Variants in C10orf143 observed in about 807,000 individuals in gnomAD.
C10orf143 encodes uncharacterized protein C10orf143.
intron 3 of C10orf143, among the ~76,000 whole-genome samples, chr10:130,055,006 C>A (rs1020195368): frequency 2.6e-5 from 4 of 151,746 alleles, no homozygotes; most frequent in African/African-American, 9.7e-5. Flanking sequence ...TATGCAAATA[C>A]AAAAGAATGA....
At chr10:130,075,371 A>G (rs896526909) in intron 3 of C10orf143, among the ~76,000 whole-genome samples, 1 of 152,122 alleles carries the variant, frequency 6.6e-6, no homozygotes, top group African/African-American at 2.4e-5. Flanking sequence ...CCCTGCCAGC[A>G]CTCTGGAGTG....
chr10:130,104,885 T>C (rs1198999351), intron 1 of C10orf143: 1 of 152,202 alleles, frequency 6.6e-6, no homozygotes, highest in African/African-American at 2.4e-5. Context: ...CATTTTATGA[T>C]AGCCAATTTA....
At chr10:130,044,861 G>A (rs1466125184) in intron 3 of C10orf143, among the ~76,000 whole-genome samples, 1 of 152,118 alleles carries the variant, frequency 6.6e-6, no homozygotes, top group Non-Finnish European at 1.5e-5. Context: ...CAAACAGAGA[G>A]GCCATTACTA....
In C10orf143 at chr10:130,073,459, A is replaced by G. The variant is rs867141601; in HGVS notation, c.297+6107T>C. ...CACACCTTTGTTAGGCCAAAACCAC[A>G]TCTATCTCTGGACGTGAGCATTCCA... On this transcript the variant is annotated intron_variant, in intron 3 of 3. Transcript: ENST00000637128. Among the ~76,000 whole-genome samples the G allele has an allele frequency of 3.3e-5, 5 of 152,266 alleles. No individual in the cohort carries two copies. In the South Asian group the frequency reaches 1.0e-3, roughly 32 times the overall value.
rs1162285739 is a variant in C10orf143 at position 130,056,686 on chromosome 10, G to A, written c.298-20716C>T. 1.3e-5 allele frequency among the ~76,000 whole-genome samples: 2 copies of A among 152,026 alleles called. No individual in the cohort carries two copies. The highest frequency in any genetic ancestry group is 3.9e-4 in the East Asian group (2 of 5,188). Reference sequence around the variant, plus strand: ...GGCTCACTGCAAGCTCCGCCTCCTGGGTTCATGCCATTCTCCTGCCTCAGC... The same window carrying A: ...GGCTCACTGCAAGCTCCGCCTCCTGAGTTCATGCCATTCTCCTGCCTCAGC... On this transcript the variant is annotated intron_variant and NMD_transcript_variant, in intron 3 of 5. Transcript: ENST00000643056. This position sits in a 1 kb window ranked among gnomAD's most constrained non-coding sequence, Gnocchi z 4.6.
intron 3 of C10orf143, among the ~76,000 whole-genome samples, chr10:130,055,015 GA>G (rs571521926): frequency 1.0e-3 from 154 of 152,138 alleles, no homozygotes; most frequent in African/African-American, 3.3e-3. Context: ...ACAAAAGAAT[GA>G]AATTGAACGA....
intron 1 of C10orf143, among the ~76,000 whole-genome samples, chr10:130,109,178 A>G (rs961698745): frequency 1.1e-4 from 17 of 152,162 alleles, no homozygotes; most frequent in African/African-American, 4.1e-4. Context: ...TACTGTAGCC[A>G]CAAGCCTTGC....
At chr10:130,089,324 C>T (rs1300006640) in intron 1 of C10orf143, among the ~76,000 whole-genome samples, 1 of 152,200 alleles carries the variant, frequency 6.6e-6, no homozygotes, top group Non-Finnish European at 1.5e-5. Flanking sequence ...CATTTACTTG[C>T]AACAGGCAGA....
At chr10:130,096,859 AAAG>A (rs1455713427) in intron 1 of C10orf143, among the ~76,000 whole-genome samples, 4 of 150,602 alleles carry the variant, frequency 2.7e-5, no homozygotes, top group Non-Finnish European at 5.9e-5. Flanking sequence ...TTAAAAAAAA[AAAG>A]AAAACGAAAA....
intron 3 of C10orf143, among the ~76,000 whole-genome samples, chr10:130,043,000 G>A (rs1860625199): frequency 6.6e-6 from 1 of 152,240 alleles, no homozygotes; most frequent in South Asian, 2.1e-4. Flanking sequence ...AAAACTCGGA[G>A]ACAGTGCGGA....
chr10:130,041,468 A>G (rs949425962), intron 3 of C10orf143, among the ~76,000 whole-genome samples: 13 of 152,210 alleles, frequency 8.5e-5, no homozygotes, highest in Non-Finnish European at 1.5e-4. Context: ...ATTGCTACCA[A>G]TGGTGACTGA....
intron 4 of C10orf143, among the ~76,000 whole-genome samples, chr10:130,035,661 G>C (rs1860537359): frequency 6.6e-6 from 1 of 152,214 alleles, no homozygotes; most frequent in South Asian, 2.1e-4. Context: ...GTAGCTGCCA[G>C]GATTCCCATT....
chr10:130,054,043 G>T (rs1001955901), intron 3 of C10orf143, among the ~76,000 whole-genome samples: 6 of 152,236 alleles, frequency 3.9e-5, no homozygotes, highest in African/African-American at 1.4e-4. Context: ...CTTGCCATCA[G>T]ATCTGTCCTT....
chr10:130,088,426 T>G (rs1051864304), intron 1 of C10orf143, among the ~76,000 whole-genome samples: 4 of 152,142 alleles, frequency 2.6e-5, no homozygotes, highest in Non-Finnish European at 5.9e-5. Flanking sequence ...AGGAAATCAT[T>G]AGAAATCAGT....
intron 1 of C10orf143, among the ~76,000 whole-genome samples, chr10:130,080,517 G>A (rs563420056): frequency 2.0e-5 from 3 of 152,326 alleles, no homozygotes; most frequent in South Asian, 2.1e-4. Flanking sequence ...TGTATTTTTA[G>A]GGTAACAATG....
chr10:130,037,027 CTG>C (rs1157254807), intron 3 of C10orf143, among the ~76,000 whole-genome samples: 1 of 152,124 alleles, frequency 6.6e-6, no homozygotes, highest in East Asian at 1.9e-4. Flanking sequence ...GCTGGCTCCT[CTG>C]AGGTGCAGAT....
chr10:130,040,640 C>T (rs992377637), intron 3 of C10orf143, among the ~76,000 whole-genome samples: 1 of 152,178 alleles, frequency 6.6e-6, no homozygotes, highest in Non-Finnish European at 1.5e-5. Flanking sequence ...CGAGACCAAC[C>T]TGGCCAACAT....
intron 1 of C10orf143, among the ~76,000 whole-genome samples, chr10:130,097,867 A>C (rs1274154519): frequency 1.3e-5 from 2 of 152,192 alleles, no homozygotes; most frequent in African/African-American, 4.8e-5. Context: ...AAATCCAGAG[A>C]GAGAAAGTCA....
intron 1 of C10orf143, among the ~76,000 whole-genome samples, chr10:130,099,459 C>T (rs1208920050): frequency 6.6e-6 from 1 of 152,156 alleles, no homozygotes; most frequent in African/African-American, 2.4e-5. Context: ...ATAAAATCTG[C>T]AACCAATGGG....
Sources: gnomAD v4.1 joint callset for allele counts (sites outside exome capture counted in the v4.1 genomes callset) on GRCh38, gnomAD v4.1.1 for gene constraint, Gnocchi (gnomAD v3.1) non-coding constraint, MANE v1.5 for transcripts, NCBI Gene and HGNC (gene_info 2026-07-23, HGNC 2026-07-21) for gene names.